The following DNAI7 variants were observed in gnomAD, a reference collection of about 807,000 sequenced individuals.
DNAI7 encodes cancer susceptibility 1.
DNAI7 carries 78 observed loss-of-function variants against 86.6 expected under a neutral mutation model. The observed-to-expected ratio is 0.90, with a 90% CI of 0.75 to 1.09. DNAI7 has a LOEUF of 1.09. Among genes scored for constraint, DNAI7 ranks in the 50% least tolerant of loss-of-function variants. The probability of loss-of-function intolerance (pLI) is 0.00; values close to 1 mark genes in which losing one functional copy is unlikely to be tolerated. For missense variants in DNAI7, 753 were observed against 810.2 expected, an observed-to-expected ratio of 0.93 and a Z score of 0.86; for synonymous variants, 274 against 273.0, an observed-to-expected ratio of 1.00 and a Z score of -0.04.
Position 25,134,352 on chromosome 12 carries a change from C to CTTTTTT in DNAI7, c.1002+10007_1002+10012dup, listed in dbSNP as rs5797119. On this transcript the variant is annotated intron_variant, in intron 9 of 15. Transcript: ENST00000395987. ...CATTATAATGGTTTTCCTTGGCGTA[C>CTTTTTT]TTTTTTTTTTTTTTTTTTTTTTGAG... is the stretch of plus-strand genomic sequence containing the variant. Among the ~76,000 whole-genome samples the CTTTTTT allele has an allele frequency of 1.6e-3, 145 of 91,150 alleles. 4 individuals are homozygous for CTTTTTT. Among genetic ancestry groups the CTTTTTT allele is most frequent in the East Asian group, 1.8e-3 (5 of 2,854 alleles). 59.8% of individuals were successfully genotyped at this position (91,150 alleles called of 152,430 possible).
At chr12:25,191,878 T>G (rs1184976386) in intron 1 of DNAI7, among the ~76,000 whole-genome samples, 1 of 152,222 alleles carries the variant, frequency 6.6e-6, no homozygotes, top group Non-Finnish European at 1.5e-5. Flanking sequence ...ATTAGGCTCA[T>G]GTGTTTATCA....
At chr12:25,189,161 G>A (rs2141370977) in intron 2 of DNAI7, among the ~76,000 whole-genome samples, 1 of 152,244 alleles carries the variant, frequency 6.6e-6, no homozygotes, top group East Asian at 1.9e-4. Flanking sequence ...TAGATTAAAT[G>A]GGGTTTCGCA....
downstream of DNAI7, chr12:25,108,077 T>G (rs1949340164): frequency 1.9e-6 from 3 of 1,605,284 alleles, no homozygotes; most frequent in African/African-American, 4.0e-5. Context: ...GACATCCTAA[T>G]ATATGGATCT....
intron 12 of DNAI7, among the ~76,000 whole-genome samples, chr12:25,115,485 A>G (rs1199801364): frequency 1.3e-5 from 2 of 152,176 alleles, no homozygotes; most frequent in Non-Finnish European, 2.9e-5. Context: ...TTACAACTCA[A>G]TAATAAAACA....
intron 9 of DNAI7, among the ~76,000 whole-genome samples, chr12:25,126,069 A>C (rs1053002657): frequency 6.6e-6 from 1 of 152,046 alleles, no homozygotes; most frequent in Admixed American, 6.6e-5. Flanking sequence ...TGTTGAACTA[A>C]ATATTGAAAG....
At chr12:25,133,879 C>T (rs1247820725) in intron 9 of DNAI7, among the ~76,000 whole-genome samples, 1 of 152,214 alleles carries the variant, frequency 6.6e-6, no homozygotes, top group African/African-American at 2.4e-5. Flanking sequence ...CAATTCTTAC[C>T]ATTCACAGAC....
chr12:25,174,387 G>GATATATATAT (rs1565810149), intron 2 of DNAI7, among the ~76,000 whole-genome samples: 187 of 628 alleles, frequency 0.3, 51 homozygotes, highest in African/African-American at 0.49. Context: ...TCATATATAT[G>GATATATATAT]GGATATATCA....
chr12:25,160,997 A>C (rs2141026989), intron 3 of DNAI7, 116 bp downstream of exon 3: 1 of 728,910 alleles, frequency 1.4e-6, no homozygotes, highest in East Asian at 2.8e-5. Context: ...CCTATTATAA[A>C]ACAGATTAAA....
At chr12:25,117,618 T>C (rs1940387144) in intron 12 of DNAI7, among the ~76,000 whole-genome samples, 2 of 152,320 alleles carry the variant, frequency 1.3e-5, no homozygotes, top group South Asian at 4.1e-4. Flanking sequence ...AAAAGAGGTA[T>C]TTGTTAATGA....
At chr12:25,123,382 C>G in intron 9 of DNAI7, 96 bp from the exon 10 acceptor site, 1 of 697,760 alleles carries the variant, frequency 1.4e-6, no homozygotes, top group Non-Finnish European at 2.2e-6. Context: ...ATGCCTGCTA[C>G]CTTAATTCTA....
intron 15 of DNAI7, 65 bp from the exon 16 acceptor site, chr12:25,108,888 A>AGAT (rs1164386642): frequency 9.8e-7 from 1 of 1,016,334 alleles, no homozygotes; most frequent in African/African-American, 1.6e-5. Context: ...TTTTGGTAGC[A>AGAT]GATTATTATT....
intron 6 of DNAI7, among the ~76,000 whole-genome samples, chr12:25,153,631 T>A (rs1204776423): frequency 6.6e-6 from 1 of 152,190 alleles, no homozygotes; most frequent in Non-Finnish European, 1.5e-5. Context: ...CTTTGCCTCC[T>A]GATGGCCCTT....
At chr12:25,125,217 C>G (rs1257401598) in intron 9 of DNAI7, among the ~76,000 whole-genome samples, 1 of 152,214 alleles carries the variant, frequency 6.6e-6, no homozygotes, top group Non-Finnish European at 1.5e-5. Flanking sequence ...AATGGTTGAA[C>G]TAATTTACAC....
chr12:25,111,073 C>A (rs1938727728), intron 14 of DNAI7, among the ~76,000 whole-genome samples: 1 of 152,012 alleles, frequency 6.6e-6, no homozygotes, highest in Non-Finnish European at 1.5e-5. Flanking sequence ...ATATAAATAT[C>A]TACTTATATT....
intron 2 of DNAI7, among the ~76,000 whole-genome samples, chr12:25,177,036 G>C (rs929035373): frequency 1.3e-5 from 2 of 151,026 alleles, no homozygotes; most frequent in Non-Finnish European, 2.9e-5. Context: ...CTGAGTAGCT[G>C]GGATTACAGG....
At chr12:25,140,666 C>G (rs1246196716) in intron 9 of DNAI7, among the ~76,000 whole-genome samples, 1 of 151,228 alleles carries the variant, frequency 6.6e-6, no homozygotes, top group East Asian at 2.0e-4. Flanking sequence ...AATGCAATTC[C>G]CATCAAAATA....
chr12:25,177,160 C>A (rs778242978), intron 2 of DNAI7, among the ~76,000 whole-genome samples: 1 of 152,116 alleles, frequency 6.6e-6, no homozygotes, highest in African/African-American at 2.4e-5. Flanking sequence ...GCCTTGGCCT[C>A]CCAAAGTTCT....
chr12:25,151,005 A>C (rs995201947), intron 6 of DNAI7, among the ~76,000 whole-genome samples: 11 of 152,248 alleles, frequency 7.2e-5, no homozygotes, highest in African/African-American at 2.7e-4. Context: ...TTTTACAGAT[A>C]ATGAAACTGA....
chr12:25,107,512 C>T (rs1004510493), downstream of DNAI7, among the ~76,000 whole-genome samples: 1 of 151,874 alleles, frequency 6.6e-6, no homozygotes. Flanking sequence ...TTTGTTTCCA[C>T]TGTAGGAATA....
Sources: gnomAD v4.1 joint callset for allele counts (sites outside exome capture counted in the v4.1 genomes callset) on GRCh38, gnomAD v4.1.1 for gene constraint, MANE v1.5 for transcripts, NCBI Gene and HGNC (gene_info 2026-07-23, HGNC 2026-07-21) for gene names.